RUFY1: variants seen among roughly 807,000 people sequenced by gnomAD.
RUFY1 encodes RUN and FYVE domain containing 1, also known as RUN and FYVE domain-containing protein 1.
A neutral mutation model predicts 94.6 loss-of-function variants in RUFY1; 54 were observed. That is an observed-to-expected ratio of 0.57 (90% CI 0.46 to 0.72). The LOEUF is 0.72. Ranked by LOEUF, RUFY1 falls within the 30% of genes least tolerant of loss-of-function variation. The probability of loss-of-function intolerance (pLI) is 0.00; values close to 1 mark genes in which losing one functional copy is unlikely to be tolerated. For missense variants in RUFY1, 883 were observed against 883.9 expected (o/e 1.00, Z 0.01); for synonymous variants, 396 against 347.3 (o/e 1.14, Z -1.56).
chr5:179,587,848 A>G (rs1764737726), intron 8 of RUFY1, among the ~76,000 whole-genome samples: 2 of 151,924 alleles, frequency 1.3e-5, no homozygotes, highest in Admixed American at 6.6e-5. Context: ...CCTGGGCAAC[A>G]TGGCAACACC....
intron 5 of RUFY1, among the ~76,000 whole-genome samples, chr5:179,575,922 C>T (rs528532164): frequency 5.3e-5 from 8 of 152,162 alleles, no homozygotes; most frequent in African/African-American, 1.7e-4. Flanking sequence ...GCTGGGACTA[C>T]AGGCATGTAC....
At chr5:179,608,338 G>A (rs1490167522) in intron 17 of RUFY1, 11 of 985,598 alleles carry the variant, frequency 1.1e-5, no homozygotes, top group East Asian at 1.1e-4. Context: ...TCCCCAACCC[G>A]AGTTTCAGGC....
At chr5:179,605,077 A>C (rs1010149079) in intron 15 of RUFY1, among the ~76,000 whole-genome samples, 6 of 152,028 alleles carry the variant, frequency 3.9e-5, no homozygotes, top group Admixed American at 6.6e-5. Flanking sequence ...TCAGGAGTTC[A>C]AGACCAGCCT....
At chr5:179,596,706 G>T in intron 13 of RUFY1, 25 bp downstream of exon 13, 1 of 1,557,008 alleles carries the variant, frequency 6.4e-7, no homozygotes, top group Non-Finnish European at 8.6e-7. Flanking sequence ...GGGAGCCTGG[G>T]CTGGGGTGTG....
intron 1 of RUFY1, among the ~76,000 whole-genome samples, chr5:179,551,310 TGGG>T (rs1020144650): frequency 1.3e-5 from 2 of 152,230 alleles, no homozygotes; most frequent in Non-Finnish European, 2.9e-5. Context: ...GCCTGTGAGA[TGGG>T]GATTTTAAAG....
chr5:179,561,782 A>T (rs1581429856), intron 2 of RUFY1, among the ~76,000 whole-genome samples: 1 of 133,158 alleles, frequency 7.5e-6, no homozygotes, highest in Middle Eastern at 5.3e-3. Context: ...TCCCAGGTTC[A>T]CGCCATTCTC....
chr5:179,594,486 G>T (rs1337127574), intron 11 of RUFY1, among the ~76,000 whole-genome samples: 2 of 148,998 alleles, frequency 1.3e-5, no homozygotes, highest in African/African-American at 5.0e-5. Context: ...TCTAGTCCGG[G>T]CGTGGTGGCT....
Position 179,607,600 on chromosome 5 carries a change from G to T in RUFY1, c.1924G>T (p.Asp642Tyr), listed in dbSNP as rs1196649119. 2 of 1,614,164 alleles carry T rather than the reference G, an allele frequency of 1.2e-6. No homozygotes were observed. The highest frequency in any genetic ancestry group is 1.7e-6 in the Non-Finnish European group (2 of 1,180,054). ...QALKGHAWLK[D>Y]DEATHCRQCE... ...TCTTCAGGGCCACGCCTGGCTGAAAGATGACGAAGCGACACACTGTAGGCA... is the reference window on the plus strand; with the variant it reads ...TCTTCAGGGCCACGCCTGGCTGAAATATGACGAAGCGACACACTGTAGGCA... The change falls in exon 17 of 18, where the codon GAT (aspartate) becomes TAT (tyrosine). Residue 642 changes from aspartate (D) to tyrosine (Y), a missense_variant. Asp to Tyr is a radical substitution (Grantham distance 160, BLOSUM62 -3). Coordinates refer to ENST00000319449, the MANE Select transcript of RUFY1 (RefSeq NM_025158.5).
At chr5:179,597,892 G>A (rs1198065370) in intron 13 of RUFY1, among the ~76,000 whole-genome samples, 1 of 152,066 alleles carries the variant, frequency 6.6e-6, no homozygotes, top group Non-Finnish European at 1.5e-5. Context: ...GCTGTAGGTT[G>A]TAGAAAGCAG....
intron 2 of RUFY1, among the ~76,000 whole-genome samples, chr5:179,560,688 T>C (rs560276091): frequency 7.5e-6 from 1 of 132,704 alleles, no homozygotes; most frequent in East Asian, 2.2e-4. Context: ...ATCGCGCCAC[T>C]GCACTCCAGC....
At chr5:179,604,627 A>AT (rs1283188542) in intron 15 of RUFY1, among the ~76,000 whole-genome samples, 1 of 152,152 alleles carries the variant, frequency 6.6e-6, no homozygotes, top group Non-Finnish European at 1.5e-5. Flanking sequence ...GAGACCTGCC[A>AT]TTTTGTCACT....
intron 9 of RUFY1, among the ~76,000 whole-genome samples, chr5:179,590,348 C>T (rs933365246): frequency 5.3e-4 from 78 of 148,068 alleles, no homozygotes; most frequent in African/African-American, 1.9e-3. Flanking sequence ...AGCAAGACTC[C>T]GTCTCAAAAA....
chr5:179,574,829 G>A (rs1330869264), intron 5 of RUFY1, among the ~76,000 whole-genome samples: 1 of 152,018 alleles, frequency 6.6e-6, no homozygotes, highest in Non-Finnish European at 1.5e-5. Context: ...TTCTACTTTG[G>A]GAGTAGGGCT....
chr5:179,560,131 T>A lies in RUFY1; in HGVS notation c.417T>A (p.Asp139Glu). 6.2e-7 allele frequency: 1 copy of A among 1,614,100 alleles called. No individual in the cohort carries two copies. The highest frequency in any genetic ancestry group is 8.5e-7 in the Non-Finnish European group (1 of 1,180,000). Residue 139 changes from aspartate to glutamate, a missense_variant, in exon 2 of 18, where the codon GAT becomes GAA. Asp to Glu is a conservative substitution (Grantham distance 45). Transcript: ENST00000319449. ...CTCTGAGCCTGGGCCGCAGCCTGGA[T>A]GCGGACCATGCCCCCTTGCAGCAGT... The part of the protein sequence containing the change: ...QSALSLGRSL[D>E]ADHAPLQQFF...
At position 179,601,913 on chromosome 5, in the gene RUFY1, G is replaced by A. The variant is rs372903598; in HGVS notation, c.1783G>A (p.Glu595Lys). 92 of 1,612,720 alleles carry A rather than the reference G, an allele frequency of 5.7e-5. No individual in the cohort carries two copies. Among genetic ancestry groups the A allele is most frequent in the Non-Finnish European group, 7.1e-5 (84 of 1,179,504 alleles). ...TTAGGAGTTGCGGGAGCTTCAGGAC[G>A]AGAAGGCAGAGCTGCAGAAGATCTG... ...LKKELRELQD[E>K]KAELQKICEE... The change falls in exon 15 of 18, where the codon GAG becomes AAG. Residue 595 changes from glutamate (E) to lysine (K), a missense_variant. By Grantham distance (56) the Glu-to-Lys change is moderately conservative (BLOSUM62 1). Transcript: ENST00000319449.
At position 179,580,245 on chromosome 5, in the gene RUFY1, AT is replaced by A. The variant is rs1284315225; in HGVS notation, c.891-687del. The stretch of plus-strand genomic sequence containing the variant: ...TGTGTGTGTGTGTGTGTGTGTGTAT[AT>A]TTTTTTTTTTTTTTGAGACGGAGTC... On this transcript the variant is annotated intron_variant, in intron 6 of 17. Transcript: ENST00000319449. Among the ~76,000 whole-genome samples, 215 of 81,674 alleles carry A rather than the reference AT, an allele frequency of 2.6e-3. 1 individual carries two copies. The highest frequency in any genetic ancestry group is 9.0e-3 in the African/African-American group (167 of 18,608). The allele number at this position is 81,674 out of a possible 152,430, so 53.6% of individuals were successfully genotyped here. A position where few individuals can be genotyped will look rare whatever the true frequency, so the allele number is the denominator to read the frequency against.
chr5:179,608,884 T>TTGCGCCAC (rs1240895392), intron 17 of RUFY1, among the ~76,000 whole-genome samples: 1 of 147,122 alleles, frequency 6.8e-6, no homozygotes, highest in Non-Finnish European at 1.5e-5. Context: ...TGAGCCGAGA[T>TTGCGCCAC]TGCGCCACTG....
At chr5:179,562,343 G>A (rs1762519479) in intron 2 of RUFY1, among the ~76,000 whole-genome samples, 1 of 152,068 alleles carries the variant, frequency 6.6e-6, no homozygotes, top group African/African-American at 2.4e-5. Context: ...GGAGGCAGAG[G>A]TTGTAGTGAG....
chr5:179,551,361 T>A (rs141317388), intron 1 of RUFY1, among the ~76,000 whole-genome samples: 1 of 152,366 alleles, frequency 6.6e-6, no homozygotes, highest in East Asian at 1.9e-4. Context: ...TCAGCCCTTG[T>A]AATGAACAGA....
Sources: gnomAD v4.1 joint callset for allele counts (sites outside exome capture counted in the v4.1 genomes callset) on GRCh38, gnomAD v4.1.1 for gene constraint, MANE v1.5 for transcripts, NCBI Gene and HGNC (gene_info 2026-07-23, HGNC 2026-07-21) for gene names.